The following VPS37A variants were observed in gnomAD, a reference collection of about 807,000 sequenced individuals.
The protein encoded by VPS37A is vacuolar protein sorting-associated protein 37A.
A neutral mutation model predicts 49.8 loss-of-function variants in VPS37A; 30 were observed. That is an observed-to-expected ratio of 0.60 (90% confidence interval 0.45 to 0.82). The LOEUF (loss-of-function observed/expected upper bound fraction) is 0.82, where lower values mean the gene tolerates loss of function less well. Ranked by LOEUF, VPS37A falls within the 40% of genes least tolerant of loss-of-function variation. The probability of loss-of-function intolerance (pLI) is 0.00; values close to 1 mark genes in which losing one functional copy is unlikely to be tolerated. For synonymous variants in VPS37A, 195 were observed against 160.6 expected, an observed-to-expected ratio of 1.21 and a Z score of -1.62; for missense variants, 593 against 464.4, an observed-to-expected ratio of 1.28 and a Z score of -2.55.
intron 1 of VPS37A, among the ~76,000 whole-genome samples, chr8:17,263,476 A>G (rs981297358): frequency 2.0e-5 from 3 of 152,184 alleles, no homozygotes; most frequent in Non-Finnish European, 4.4e-5. Context: ...CATTAATATT[A>G]TAAGTATCAC....
At chr8:17,280,501 T>A (rs1342273786) in intron 9 of VPS37A, 58 bp downstream of exon 9, 6 of 1,451,998 alleles carry the variant, frequency 4.1e-6, no homozygotes, top group African/African-American at 1.4e-5. Flanking sequence ...CTTATGTGCA[T>A]GAGTCCTGAT....
At chr8:17,326,298 GAAGAT>G in the VPS37A span, 1 of 152,172 alleles carries the variant, frequency 6.6e-6, no homozygotes, top group South Asian at 2.1e-4. Context: ...TCCGTAAAAT[GAAGAT>G]AAGAGTGGCA....
chr8:17,303,101 T>C (rs1817234806), downstream of VPS37A, among the ~76,000 whole-genome samples: 1 of 152,144 alleles, frequency 6.6e-6, no homozygotes, highest in Non-Finnish European at 1.5e-5. Flanking sequence ...GAACCACTAT[T>C]TTATTTATGT....
At chr8:17,329,944 T>C in the VPS37A span, among the ~76,000 whole-genome samples, 1 of 152,156 alleles carries the variant, frequency 6.6e-6, no homozygotes, top group Non-Finnish European at 1.5e-5. Flanking sequence ...TGTTTTCAGA[T>C]GTAGGAAGGG....
the VPS37A span, among the ~76,000 whole-genome samples, chr8:17,333,201 C>A: frequency 2.6e-5 from 4 of 152,216 alleles, no homozygotes; most frequent in East Asian, 7.7e-4. Flanking sequence ...ATCTTTCTCC[C>A]AGGCATGCTA....
chr8:17,304,368 G>C (rs778032800), downstream of VPS37A: 1 of 1,608,808 alleles, frequency 6.2e-7, no homozygotes, highest in Admixed American at 1.7e-5. Context: ...AGTTACCAAG[G>C]ATTTACATAC....
chr8:17,277,834 C>G (rs1190486995), intron 6 of VPS37A, among the ~76,000 whole-genome samples: 1 of 148,606 alleles, frequency 6.7e-6, no homozygotes, highest in Non-Finnish European at 1.5e-5. Context: ...TAATAATGAA[C>G]CATTTCTCCC....
Position 17,286,392 on chromosome 8 carries a change from A to T in VPS37A, c.1159A>T (p.Ile387Leu), listed in dbSNP as rs374362659. Residue 387 changes from isoleucine to leucine, a missense_variant, in exon 11 of 12, where the codon ATA (isoleucine) becomes TTA (leucine). By Grantham distance (5) the Ile-to-Leu change is conservative (BLOSUM62 2). Coordinates refer to ENST00000324849, the MANE Select transcript of VPS37A (RefSeq NM_152415.3). Reference protein sequence around the residue: ...RAKEEKLQQAIAMHSQFHAPL With the variant: ...RAKEEKLQQALAMHSQFHAPL ...CAAGGAAGAGAAACTTCAGCAGGCG[A>T]TAGCAATGCACAGCCAATTTCATGC... 5.0e-6 allele frequency: 8 copies of T among 1,613,814 alleles called. No homozygotes were observed. The East Asian group carries it at 1.1e-4, about 22-fold the overall frequency.
chr8:17,255,532 A>C (rs1812364978), intron 1 of VPS37A, among the ~76,000 whole-genome samples: 1 of 152,132 alleles, frequency 6.6e-6, no homozygotes, highest in Admixed American at 6.5e-5. Flanking sequence ...GTGTGTATAT[A>C]TATAAACTAA....
chr8:17,270,087 G>A (rs1463202004), intron 4 of VPS37A, among the ~76,000 whole-genome samples: 1 of 152,008 alleles, frequency 6.6e-6, no homozygotes, highest in Non-Finnish European at 1.5e-5. Flanking sequence ...GATCTCATGA[G>A]AACTCACTAT....
At chr8:17,308,259 T>C in the VPS37A span, among the ~76,000 whole-genome samples, 53,446 of 151,894 alleles carry the variant, frequency 0.35, 10,236 homozygotes, top group African/African-American at 0.5. Context: ...TCCATATTCT[T>C]TCTGTCATCT....
At chr8:17,306,769 A>C (rs1035756307), downstream of VPS37A, among the ~76,000 whole-genome samples, 2 of 152,216 alleles carry the variant, frequency 1.3e-5, no homozygotes, top group African/African-American at 4.8e-5. Flanking sequence ...AATTGTCTAG[A>C]AACTTCTCAG....
chr8:17,329,330 C>T, the VPS37A span, among the ~76,000 whole-genome samples: 19 of 152,208 alleles, frequency 1.2e-4, no homozygotes, highest in Admixed American at 1.0e-3. Context: ...GTCAAGACCA[C>T]GTACAGGCAT....
In VPS37A at chr8:17,261,906, G is replaced by A. The variant is rs116740782; in HGVS notation, c.126-4001G>A. Among the ~76,000 whole-genome samples, 860 of 152,230 alleles carry A rather than the reference G, an allele frequency of 5.6e-3. 7 individuals are homozygous for A. The highest frequency in any genetic ancestry group is 0.019 in the African/African-American group (774 of 41,518). On this transcript the variant is annotated intron_variant, in intron 1 of 11. Coordinates refer to ENST00000324849, the MANE Select transcript of VPS37A (RefSeq NM_152415.3). ...TTCCAGGGTTGAGGATGGTAGTCTT[G>A]CCTCTCCCCTTTGTCTCTGGCTGTC...
rs181356744 is a variant in VPS37A, at chr8:17,276,383, A to C, written c.643-14A>C. On this transcript the variant is annotated splice_polypyrimidine_tract_variant and intron_variant, in intron 5 of 11. Coordinates refer to ENST00000324849, the MANE Select transcript of VPS37A (RefSeq NM_152415.3). ...AATGGCTGAAATTTAATATCATTTAAAACTTTTCTTTAGACAAGCCAAAAT... is the reference window on the plus strand; with the variant it reads ...AATGGCTGAAATTTAATATCATTTACAACTTTTCTTTAGACAAGCCAAAAT... The C allele has an allele frequency of 1.2e-6, 2 of 1,605,432 alleles. No individual in the cohort carries two copies. Among genetic ancestry groups the C allele is most frequent in the African/African-American group, 2.7e-5 (2 of 74,444 alleles).
intron 1 of VPS37A, among the ~76,000 whole-genome samples, chr8:17,256,861 A>G (rs1230254038): frequency 2.0e-5 from 3 of 152,046 alleles, no homozygotes; most frequent in Non-Finnish European, 4.4e-5. Flanking sequence ...CATGTTGGTC[A>G]GGCTGGTCTC....
At chr8:17,258,905 A>C (rs1450629637) in intron 1 of VPS37A, among the ~76,000 whole-genome samples, 1 of 152,048 alleles carries the variant, frequency 6.6e-6, no homozygotes. Flanking sequence ...CATATAATTC[A>C]TAGTGGTGCC....
chr8:17,319,693 C>G, the VPS37A span, among the ~76,000 whole-genome samples: 1 of 152,182 alleles, frequency 6.6e-6, no homozygotes, highest in African/African-American at 2.4e-5. Context: ...ATTGTGGAAA[C>G]CAATGCAAAC....
intron 9 of VPS37A, among the ~76,000 whole-genome samples, chr8:17,280,656 G>A (rs1379917527): frequency 6.6e-6 from 1 of 151,964 alleles, no homozygotes; most frequent in African/African-American, 2.4e-5. Context: ...TTCTAAAACA[G>A]AAAATTATGA....
Sources: gnomAD v4.1 joint callset for allele counts (sites outside exome capture counted in the v4.1 genomes callset) on GRCh38, gnomAD v4.1.1 for gene constraint, MANE v1.5 for transcripts, NCBI Gene and HGNC (gene_info 2026-07-23, HGNC 2026-07-21) for gene names.